CHST12: variants seen among roughly 807,000 people sequenced by gnomAD.
CHST12 encodes the protein carbohydrate (chondroitin 4) sulfotransferase 12.
CHST12 carries 23 observed loss-of-function variants against 27.9 expected under a neutral mutation model. The observed-to-expected ratio is 0.82, with a 90% CI of 0.59 to 1.17. The LOEUF is 1.17. Among genes scored for constraint, CHST12 ranks in the 50% most tolerant of loss-of-function variants. The pLI, the probability that CHST12 is intolerant of heterozygous loss-of-function variation, is 0.00. For synonymous variants in CHST12, 322 were observed against 273.0 expected, an observed-to-expected ratio of 1.18 and a Z score of -1.77; for missense variants, 682 against 603.0, an observed-to-expected ratio of 1.13 and a Z score of -1.37.
At chr7:2,410,131 A>G (rs969071144) in intron 1 of CHST12, among the ~76,000 whole-genome samples, 12 of 152,214 alleles carry the variant, frequency 7.9e-5, no homozygotes, top group Non-Finnish European at 1.8e-4. Flanking sequence ...CATACCGACC[A>G]GTAGAGAGAG....
intron 1 of CHST12, among the ~76,000 whole-genome samples, chr7:2,411,118 A>G (rs898499021): frequency 5.9e-5 from 9 of 152,090 alleles, no homozygotes; most frequent in Admixed American, 5.9e-4. Context: ...TCTGTCATCC[A>G]GGCTGGAGGG....
rs918238440 is a variant in CHST12 at position 2,446,891 on chromosome 7, G to T, written c.*13007G>T. On this transcript the variant is annotated 3_prime_UTR_variant, in exon 2 of 2. Coordinates refer to ENST00000618655, the MANE Select transcript of CHST12 (RefSeq NM_018641.5). ...ACCCCTCCAGGTGGATCCGTCCCAC[G>T]CAGCCTGGCCTGAAACACTGCCCAG... The T allele has an allele frequency of 6.6e-6, 1 of 152,322 alleles. No homozygotes were observed. The highest frequency in any genetic ancestry group is 1.5e-5 in the Non-Finnish European group (1 of 68,168). The allele number at this position is 152,322 out of a possible 1,614,324, so 9.4% of individuals were successfully genotyped here.
chr7:2,416,718 A>G (rs1417244554), intron 1 of CHST12, among the ~76,000 whole-genome samples: 1 of 152,208 alleles, frequency 6.6e-6, no homozygotes, highest in Admixed American at 6.5e-5. Context: ...TGGAAACTTC[A>G]GTATTTAAAG....
At chr7:2,419,513 C>G (rs1232325127) in intron 1 of CHST12, among the ~76,000 whole-genome samples, 1 of 151,726 alleles carries the variant, frequency 6.6e-6, no homozygotes, top group African/African-American at 2.4e-5. Flanking sequence ...CCGAGACCAG[C>G]CTGGCCAACA....
intron 1 of CHST12, among the ~76,000 whole-genome samples, chr7:2,408,557 G>A (rs1781583772): frequency 6.6e-6 from 1 of 152,056 alleles, no homozygotes; most frequent in South Asian, 2.1e-4. Context: ...GAAGCAGAAG[G>A]GCTTGGGCTT....
At chr7:2,406,293 G>C (rs1361020007) in intron 1 of CHST12, among the ~76,000 whole-genome samples, 1 of 151,222 alleles carries the variant, frequency 6.6e-6, no homozygotes. Context: ...TGTTAAGGTG[G>C]TGGTTTCTGT....
Position 2,433,322 on chromosome 7 carries a change from G to A in CHST12, c.683G>A (p.Arg228His). 8 of 1,612,530 alleles carry A rather than the reference G, an allele frequency of 5.0e-6. No individual in the cohort carries two copies. The highest frequency in any genetic ancestry group is 5.9e-6 in the Non-Finnish European group (7 of 1,179,712). ...KFWRRYGKLSRHLMKVKLKKY... is the reference protein window; with the variant it reads ...KFWRRYGKLSHHLMKVKLKKY... ...TGGCGCCGCTACGGGAAGCTCTCCCGCCACCTCATGAAGGTCAAGCTCAAG... is the reference window on the plus strand; with the variant it reads ...TGGCGCCGCTACGGGAAGCTCTCCCACCACCTCATGAAGGTCAAGCTCAAG... The change falls in exon 2 of 2, where the codon CGC becomes CAC. Residue 228 changes from arginine to histidine, a missense_variant. Arg to His is a conservative substitution (Grantham distance 29, BLOSUM62 0). Coordinates refer to ENST00000618655, the MANE Select transcript of CHST12 (RefSeq NM_018641.5). The surrounding 1 kb of genome is among the most constrained non-coding windows in gnomAD (Gnocchi z 6.1).
rs62444201 is a variant in CHST12 at position 2,429,566 on chromosome 7, A to G, written c.-77-2997A>G. ...TAAGGAGCTTTTACGTTACAAATTTAGTTTCTTTAATTAGTATAGGATTAT... is the reference window on the plus strand; with the variant it reads ...TAAGGAGCTTTTACGTTACAAATTTGGTTTCTTTAATTAGTATAGGATTAT... On this transcript the variant is annotated intron_variant, in intron 1 of 1. Coordinates refer to ENST00000618655, the MANE Select transcript of CHST12 (RefSeq NM_018641.5). 2.5e-3 allele frequency among the ~76,000 whole-genome samples: 380 copies of G among 152,176 alleles called. 4 individuals carry two copies. Among genetic ancestry groups the G allele is most frequent in the Non-Finnish European group, 3.2e-3 (216 of 68,010 alleles).
At chr7:2,411,054 T>C (rs1461234842) in intron 1 of CHST12, among the ~76,000 whole-genome samples, 1 of 152,084 alleles carries the variant, frequency 6.6e-6, no homozygotes, top group Non-Finnish European at 1.5e-5. Context: ...GATAACTATT[T>C]ACTTTTTTAA....
rs1190165914 is a variant in CHST12, at chr7:2,448,385, A to T, written c.*14501A>T. ...CTGCCCCCTGTTAATGGCACCCACC[A>T]GTCCTTGTCCAAACCTCGAAGCTCA... On this transcript the variant is annotated 3_prime_UTR_variant, in exon 2 of 2. Coordinates refer to ENST00000618655, the MANE Select transcript of CHST12 (RefSeq NM_018641.5). 1 of 152,342 alleles carries T rather than the reference A, an allele frequency of 6.6e-6. No homozygotes were observed. The highest frequency in any genetic ancestry group is 2.4e-5 in the African/African-American group (1 of 41,440). The allele number at this position is 152,342 out of a possible 1,614,324, so 9.4% of individuals were successfully genotyped here.
chr7:2,430,679 T>C, intron 1 of CHST12, among the ~76,000 whole-genome samples: 1 of 152,140 alleles, frequency 6.6e-6, no homozygotes, highest in East Asian at 1.9e-4. Context: ...CTCCAACTCC[T>C]GATCTCAAGT....
rs1269299928 is a variant in CHST12, at chr7:2,441,362, A to G, written c.*7478A>G. ...TCTTTTAGGCAAATTTGGAATAGGA[A>G]CCTTAAAAATGCTTTCTTCACTCGT... On this transcript the variant is annotated 3_prime_UTR_variant, in exon 2 of 2. Transcript: ENST00000618655. 1 of 152,114 alleles carries G rather than the reference A, an allele frequency of 6.6e-6. No homozygotes were observed. Among genetic ancestry groups the G allele is most frequent in the Non-Finnish European group, 1.5e-5 (1 of 68,022 alleles). 9.4% of individuals were successfully genotyped at this position (152,114 alleles called of 1,614,324 possible).
In CHST12 at chr7:2,433,635, C is replaced by A; in HGVS notation, c.996C>A (p.Cys332Ter). 6.2e-7 allele frequency: 1 copy of A among 1,613,784 alleles called. No individual in the cohort carries two copies. Among genetic ancestry groups the A allele is most frequent in the Non-Finnish European group, 8.5e-7 (1 of 1,180,012 alleles). Reference protein sequence around the residue: ...WRQVYRLCHPCQIDYDFVGKL... With the variant: ...WRQVYRLCHP ...AGGTGTACCGCCTCTGCCACCCGTG[C>A]CAGATCGACTACGACTTCGTGGGGA... is the stretch of plus-strand genomic sequence containing the variant. The change falls in exon 2 of 2, where the codon TGC (cysteine) becomes TGA (stop). Residue 332 changes from cysteine to a stop codon, truncating the protein, a stop_gained. Coordinates refer to ENST00000618655, the MANE Select transcript of CHST12 (RefSeq NM_018641.5). LOFTEE classifies it high-confidence loss of function. This position sits in a 1 kb window ranked among gnomAD's most constrained non-coding sequence, Gnocchi z 6.1.
intron 1 of CHST12, among the ~76,000 whole-genome samples, chr7:2,425,191 A>T (rs1228129675): frequency 6.8e-6 from 1 of 146,778 alleles, no homozygotes; most frequent in Non-Finnish European, 1.5e-5. Flanking sequence ...GTGACAGAGC[A>T]AGACTCCGTC....
chr7:2,432,961 C>T lies in CHST12; in HGVS notation c.322C>T (p.Pro108Ser), dbSNP rs754487868. Residue 108 changes from proline to serine, a missense_variant, in exon 2 of 2, where the codon CCG (proline) becomes TCG (serine). Coordinates refer to ENST00000618655, the MANE Select transcript of CHST12 (RefSeq NM_018641.5). The part of the protein sequence containing the change: ...EESVRGYDWS[P>S]RDARRSPDQG... ...GAGCGTGAGAGGCTACGACTGGTCC[C>T]CGCGCGACGCCCGGCGCAGCCCAGA... 6.2e-7 allele frequency: 1 copy of T among 1,609,642 alleles called. No individual in the cohort carries two copies. The highest frequency in any genetic ancestry group is 1.1e-5 in the South Asian group (1 of 90,978).
At position 2,439,586 on chromosome 7, in the gene CHST12, A is replaced by AT. The variant is rs1782552037; in HGVS notation, c.*5707dup. 6.6e-6 allele frequency: 1 copy of AT among 151,616 alleles called. No homozygotes were observed. The highest frequency in any genetic ancestry group is 2.4e-5 in the African/African-American group (1 of 41,308). 9.4% of individuals were successfully genotyped at this position (151,616 alleles called of 1,614,324 possible). A position where few individuals can be genotyped will look rare whatever the true frequency, so the allele number is the denominator to read the frequency against. On this transcript the variant is annotated 3_prime_UTR_variant, in exon 2 of 2. Coordinates refer to ENST00000618655, the MANE Select transcript of CHST12 (RefSeq NM_018641.5). ...ACCACCATGCCCGGCTAATTTTTACATTTTTGGTAGAGGCCGGGTACGGTG... is the reference window on the plus strand; with the variant it reads ...ACCACCATGCCCGGCTAATTTTTACATTTTTTGGTAGAGGCCGGGTACGGTG...
intron 1 of CHST12, among the ~76,000 whole-genome samples, chr7:2,420,083 C>T (rs1462231887): frequency 2.7e-5 from 4 of 146,526 alleles, no homozygotes; most frequent in African/African-American, 1.0e-4. Flanking sequence ...ATGCCATTCT[C>T]CTGCCTCAGC....
intron 1 of CHST12, among the ~76,000 whole-genome samples, chr7:2,409,157 T>C (rs1001905622): frequency 2.6e-5 from 4 of 152,186 alleles, no homozygotes; most frequent in Admixed American, 2.0e-4. Context: ...ATGTAAACAC[T>C]GACTGCTGCT....
At chr7:2,430,072 C>T (rs1051089162) in intron 1 of CHST12, among the ~76,000 whole-genome samples, 17 of 152,260 alleles carry the variant, frequency 1.1e-4, no homozygotes, top group South Asian at 6.2e-4. Flanking sequence ...AGAGAGCCAC[C>T]GTGCCCGGCC....
Sources: gnomAD v4.1 joint callset for allele counts (sites outside exome capture counted in the v4.1 genomes callset) on GRCh38, gnomAD v4.1.1 for gene constraint, Gnocchi (gnomAD v3.1) non-coding constraint, MANE v1.5 for transcripts, NCBI Gene and HGNC (gene_info 2026-07-23, HGNC 2026-07-21) for gene names.